Variants in LRRC4C observed in about 807,000 individuals in gnomAD.
LRRC4C encodes the protein leucine-rich repeat-containing protein 4C.
LRRC4C carries 5 observed loss-of-function variants against 33.6 expected under a neutral mutation model. The observed-to-expected ratio is 0.15, with a 90% CI of 0.08 to 0.31. LRRC4C has a LOEUF of 0.31. Ranked by LOEUF, LRRC4C falls within the 10% of genes least tolerant of loss-of-function variation. The pLI, the probability that LRRC4C is intolerant of heterozygous loss-of-function variation, is 1.00. For missense variants in LRRC4C, 560 were observed against 796.7 expected (o/e 0.70, Z 3.58); for synonymous variants, 329 against 302.0 (o/e 1.09, Z -0.93).
chr11:40,617,618 C>T (rs976022764), intron 3 of LRRC4C, among the ~76,000 whole-genome samples: 6 of 151,668 alleles, frequency 4.0e-5, no homozygotes, highest in African/African-American at 1.5e-4. Context: ...CACTTCTCTC[C>T]TCATCAGATT....
At chr11:41,114,661 T>C (rs754327660) in intron 1 of LRRC4C, among the ~76,000 whole-genome samples, 1 of 152,070 alleles carries the variant, frequency 6.6e-6, no homozygotes, top group South Asian at 2.1e-4. Context: ...ATTAATTCAC[T>C]GAAGCTGATT....
At chr11:40,897,054 T>G (rs1565179948) in intron 2 of LRRC4C, among the ~76,000 whole-genome samples, 1 of 152,180 alleles carries the variant, frequency 6.6e-6, no homozygotes, top group Non-Finnish European at 1.5e-5. Flanking sequence ...CTCTGAAATA[T>G]GTATGTTTAT....
intron 3 of LRRC4C, among the ~76,000 whole-genome samples, chr11:40,332,955 TAA>T (rs749768066): frequency 6.6e-6 from 1 of 152,212 alleles, no homozygotes; most frequent in African/African-American, 2.4e-5. Context: ...GTAAGTTATT[TAA>T]ACGCAGGGAC....
intron 4 of LRRC4C, among the ~76,000 whole-genome samples, chr11:40,269,006 G>A (rs1942490749): frequency 6.6e-6 from 1 of 152,150 alleles, no homozygotes; most frequent in Admixed American, 6.5e-5. Flanking sequence ...ACTTTCTGCA[G>A]GAAGAAGCCA....
chr11:41,297,356 G>A (rs1356277497), intron 1 of LRRC4C, among the ~76,000 whole-genome samples: 3 of 152,106 alleles, frequency 2.0e-5, no homozygotes, highest in Non-Finnish European at 4.4e-5. Context: ...GTTCCCTTGT[G>A]ATTCTTTGTC....
In LRRC4C at chr11:40,591,529, C is replaced by G. The variant is rs59658962; in HGVS notation, c.-270+56613G>C. 2.0e-4 allele frequency among the ~76,000 whole-genome samples: 31 copies of G among 152,296 alleles called. 1 individual carries two copies. The highest frequency in any genetic ancestry group is 7.5e-4 in the African/African-American group (31 of 41,580). On this transcript the variant is annotated intron_variant, in intron 3 of 6. Transcript: ENST00000528697. ...AATTTGTTATTTCTTAGCTCACTTA[C>G]GTGACAACTTCTCAGGTGTGTTTTA... is the stretch of plus-strand genomic sequence containing the variant.
intron 1 of LRRC4C, among the ~76,000 whole-genome samples, chr11:41,187,828 TAG>T (rs1045467762): frequency 6.6e-6 from 1 of 152,178 alleles, no homozygotes; most frequent in Non-Finnish European, 1.5e-5. Context: ...ATGCTCCCGC[TAG>T]AGGTTTGAGC....
intron 2 of LRRC4C, among the ~76,000 whole-genome samples, chr11:40,762,142 T>C (rs994595471): frequency 1.3e-5 from 2 of 152,142 alleles, no homozygotes; most frequent in Admixed American, 1.3e-4. Flanking sequence ...GAGCAAGCCA[T>C]GGAAAGCTAC....
At chr11:40,317,389 C>T (rs1022936090) in intron 4 of LRRC4C, among the ~76,000 whole-genome samples, 1 of 151,940 alleles carries the variant, frequency 6.6e-6, no homozygotes, top group Non-Finnish European at 1.5e-5. Context: ...GTTATACTTT[C>T]CACAGGATCT....
intron 6 of LRRC4C, among the ~76,000 whole-genome samples, chr11:40,128,319 T>C (rs1786936337): frequency 6.6e-6 from 1 of 152,198 alleles, no homozygotes; most frequent in African/African-American, 2.4e-5. Flanking sequence ...TTGACTTTTC[T>C]TTTTCTGTAT....
intron 3 of LRRC4C, among the ~76,000 whole-genome samples, chr11:40,372,892 C>A (rs547170787): frequency 1.3e-5 from 2 of 152,190 alleles, no homozygotes; most frequent in South Asian, 4.1e-4. Context: ...AGACTCCCCA[C>A]AACAGATTAG....
chr11:40,128,750 C>T (rs1185103192), intron 6 of LRRC4C, among the ~76,000 whole-genome samples: 1 of 152,058 alleles, frequency 6.6e-6, no homozygotes, highest in Admixed American at 6.5e-5. Context: ...GCCTCAGGAC[C>T]TTTGTACTAG....
intron 2 of LRRC4C, among the ~76,000 whole-genome samples, chr11:40,882,558 T>G (rs1463003519): frequency 6.6e-6 from 1 of 152,060 alleles, no homozygotes; most frequent in African/African-American, 2.4e-5. Flanking sequence ...ATACTATTCC[T>G]TCACTTCTTG....
intron 3 of LRRC4C, among the ~76,000 whole-genome samples, chr11:40,475,561 T>C (rs554796272): frequency 1.3e-5 from 2 of 152,138 alleles, no homozygotes; most frequent in South Asian, 4.2e-4. Context: ...TAACAAACGT[T>C]CACGTTCTGC....
intron 3 of LRRC4C, among the ~76,000 whole-genome samples, chr11:40,552,444 G>C (rs955852270): frequency 1.3e-5 from 2 of 152,128 alleles, no homozygotes; most frequent in Admixed American, 1.3e-4. Flanking sequence ...TAATAAATAA[G>C]TCTTTGATGG....
intron 3 of LRRC4C, 90 bp downstream of exon 3, chr11:40,648,052 G>T (rs1011625690): frequency 6.6e-6 from 1 of 152,194 alleles, no homozygotes; most frequent in African/African-American, 2.4e-5. Context: ...TACCAAAGGA[G>T]AATTATAATG....
chr11:40,502,154 G>A (rs1954807814), intron 3 of LRRC4C, among the ~76,000 whole-genome samples: 1 of 152,034 alleles, frequency 6.6e-6, no homozygotes, highest in Non-Finnish European at 1.5e-5. Context: ...ACCTCATCCT[G>A]GACTTTATTG....
intron 3 of LRRC4C, among the ~76,000 whole-genome samples, chr11:40,428,677 A>G (rs532115418): frequency 5.3e-5 from 8 of 152,364 alleles, no homozygotes; most frequent in African/African-American, 1.9e-4. Context: ...GAATAAAGTC[A>G]TACATGGAGT....
intron 1 of LRRC4C, among the ~76,000 whole-genome samples, chr11:41,444,515 G>A (rs1372032098): frequency 6.6e-6 from 1 of 152,168 alleles, no homozygotes; most frequent in African/African-American, 2.4e-5. Context: ...ACCAAGGGAC[G>A]ACTATTAGCT....
Sources: allele counts gnomAD v4.1 joint callset (sites outside exome capture counted in the v4.1 genomes callset), GRCh38; gene constraint gnomAD v4.1.1; transcripts MANE v1.5; gene names NCBI Gene and HGNC (gene_info 2026-07-23, HGNC 2026-07-21).